TENT5D: variants seen among roughly 807,000 people sequenced by gnomAD.
The protein encoded by TENT5D is cancer/testis antigen 112.
For missense variants in TENT5D, 191 were observed against 287.0 expected (o/e 0.67, Z 2.42); for synonymous variants, 103 against 100.6 (o/e 1.02, Z -0.15).
intron 3 of TENT5D, among the ~76,000 whole-genome samples, chrX:80,370,640 T>C (rs752419733): frequency 3.6e-5 from 4 of 112,251 alleles, no homozygotes; most frequent in Non-Finnish European, 5.6e-5. Flanking sequence ...TGTCTGACTT[T>C]TACTAGAGGC....
At chrX:80,372,535 G>A (rs189171295) in intron 3 of TENT5D, among the ~76,000 whole-genome samples, 220 of 110,816 alleles carry the variant, frequency 2.0e-3, no homozygotes, top group Middle Eastern at 4.6e-3. Context: ...ATCTCGTCTC[G>A]TGGGATGATT....
At chrX:80,392,671 C>T (rs1450402704) in intron 3 of TENT5D, among the ~76,000 whole-genome samples, 3 of 103,363 alleles carry the variant, frequency 2.9e-5, no homozygotes, top group African/African-American at 7.1e-5. Context: ...CGCCCGCCAC[C>T]GCGCCCGGCT....
At chrX:80,444,908 A>G (rs1480138905) in exon 3 of TENT5D, 2 of 122,593 alleles carry the variant, frequency 1.6e-5, no homozygotes, top group Non-Finnish European at 3.8e-5. Flanking sequence ...GACCAATATT[A>G]CCTGAAGTGT....
chrX:80,404,355 A>T (rs1226819351), intron 3 of TENT5D, among the ~76,000 whole-genome samples: 1 of 111,743 alleles, frequency 8.9e-6, no homozygotes, highest in Non-Finnish European at 1.9e-5. Context: ...CTTGTAAAAA[A>T]TCTATAAAAT....
At chrX:80,371,934 T>C (rs1227493519) in intron 3 of TENT5D, among the ~76,000 whole-genome samples, 2 of 111,765 alleles carry the variant, frequency 1.8e-5, no homozygotes, top group Non-Finnish European at 3.8e-5. Flanking sequence ...TTTGCATTCA[T>C]AAATTGGCTA....
chrX:80,432,335 C>A (rs891886995), intron 1 of TENT5D, among the ~76,000 whole-genome samples: 1 of 111,195 alleles, frequency 9.0e-6, no homozygotes, highest in African/African-American at 3.3e-5. Context: ...TCCGGCCTCA[C>A]GTGACAGCTA....
chrX:80,418,029 T>C (rs920123131), upstream of TENT5D, among the ~76,000 whole-genome samples: 1 of 111,702 alleles, frequency 9.0e-6, no homozygotes, highest in Non-Finnish European at 1.9e-5. Context: ...TTAAAAATTT[T>C]TTTCCAACTG....
intron 3 of TENT5D, among the ~76,000 whole-genome samples, chrX:80,389,836 A>G (rs1281164190): frequency 8.9e-6 from 1 of 112,151 alleles, no homozygotes; most frequent in Non-Finnish European, 1.9e-5. Flanking sequence ...GTATTTTTGT[A>G]AAGGGAAAAG....
intron 3 of TENT5D, among the ~76,000 whole-genome samples, chrX:80,377,775 G>T (rs1930764921): frequency 8.9e-6 from 1 of 111,770 alleles, no homozygotes; most frequent in African/African-American, 3.3e-5. Context: ...TGGGTCAAAT[G>T]ATATTTCTAA....
intron 3 of TENT5D, among the ~76,000 whole-genome samples, chrX:80,408,005 G>C (rs1931543516): frequency 9.1e-6 from 1 of 110,213 alleles, no homozygotes; most frequent in African/African-American, 3.3e-5. Context: ...ATGACTACTG[G>C]ATACATAACG....
At chrX:80,414,838 C>A (rs1160465856) in intron 3 of TENT5D, among the ~76,000 whole-genome samples, 1 of 111,758 alleles carries the variant, frequency 8.9e-6, no homozygotes, top group Admixed American at 9.5e-5. Context: ...TAAGCTGTTC[C>A]CAGCTTGACT....
At chrX:80,387,000 GA>G (rs1269355683) in intron 3 of TENT5D, among the ~76,000 whole-genome samples, 1 of 112,132 alleles carries the variant, frequency 8.9e-6, no homozygotes, top group Non-Finnish European at 1.9e-5. Flanking sequence ...TAAAAGGAAA[GA>G]AAAAAGGTAA....
chrX:80,383,741 A>G (rs1161684044), intron 3 of TENT5D, among the ~76,000 whole-genome samples: 1 of 111,260 alleles, frequency 9.0e-6, no homozygotes, highest in East Asian at 2.8e-4. Flanking sequence ...CTGTAGTCCC[A>G]GCTACTCGGG....
chrX:80,335,678 T>G (rs1397206514), exon 2 of TENT5D: 1 of 112,007 alleles, frequency 8.9e-6, no homozygotes, highest in Non-Finnish European at 1.9e-5. Flanking sequence ...CCCCTCACCA[T>G]TGTCTCAGAG....
chrX:80,397,798 G>A (rs60585675), intron 3 of TENT5D, among the ~76,000 whole-genome samples: 13,689 of 111,740 alleles, frequency 0.12, 921 homozygotes, highest in East Asian at 0.48. Context: ...GCGTGGCGGC[G>A]CGCGCCTGCA....
chrX:80,407,486 A>T (rs1429560315), intron 3 of TENT5D, among the ~76,000 whole-genome samples: 43 of 104,751 alleles, frequency 4.1e-4, no homozygotes, highest in African/African-American at 1.5e-3. Context: ...AACCAACAAA[A>T]ATCAAAAGAG....
At chrX:80,366,272 GAAGCCTT>G (rs1315261702) in intron 3 of TENT5D, among the ~76,000 whole-genome samples, 1 of 107,512 alleles carries the variant, frequency 9.3e-6, no homozygotes, top group African/African-American at 3.4e-5. Context: ...AATGTATTAT[GAAGCCTT>G]AATTATACAA....
chrX:80,407,347 A>T (rs1931523582), intron 3 of TENT5D, among the ~76,000 whole-genome samples: 1 of 110,157 alleles, frequency 9.1e-6, no homozygotes, highest in African/African-American at 3.3e-5. Flanking sequence ...TGCTGTATTC[A>T]GGAAACCCAT....
At chrX:80,358,630 G>T (rs1020371464) in intron 3 of TENT5D, among the ~76,000 whole-genome samples, 1 of 111,217 alleles carries the variant, frequency 9.0e-6, no homozygotes, top group African/African-American at 3.3e-5. Context: ...TAATATCATC[G>T]TACAAATGTC....
Sources: allele counts gnomAD v4.1 joint callset (sites outside exome capture counted in the v4.1 genomes callset), GRCh38; gene constraint gnomAD v4.1.1; transcripts MANE v1.5; gene names NCBI Gene and HGNC (gene_info 2026-07-23, HGNC 2026-07-21).